HMGA1: variants seen among roughly 807,000 people sequenced by gnomAD.
HMGA1 encodes high mobility group protein HMG-I/HMG-Y.
HMGA1 carries 1 observed loss-of-function variant against 15.1 expected under a neutral mutation model. The observed-to-expected ratio is 0.07, with a 90% CI of 0.02 to 0.31. The LOEUF (loss-of-function observed/expected upper bound fraction) is 0.31. HMGA1 is among the 10% of genes least tolerant of loss of function. The pLI is 1.00. For missense variants in HMGA1, 94 were observed against 141.4 expected (o/e 0.66, Z 1.70); for synonymous variants, 56 against 54.8 (o/e 1.02, Z -0.10).
At chr6:34,243,283 G>T (rs1279996402) in intron 4 of HMGA1, among the ~76,000 whole-genome samples, 185 bp from the exon 5 acceptor site, 12 of 152,176 alleles carry the variant, frequency 7.9e-5, no homozygotes. Context: ...TAGGGGGCGT[G>T]TGTGTATGTC....
At chr6:34,239,684 A>C (rs1160867504) in intron 2 of HMGA1, among the ~76,000 whole-genome samples, 1 of 73,398 alleles carries the variant, frequency 1.4e-5, no homozygotes, top group South Asian at 9.2e-4. Context: ...TAGCCTGGGG[A>C]TAAGGACTAG....
rs1406582743 is a variant in HMGA1 at position 34,245,083 on chromosome 6, G to C, written c.*199G>C. On this transcript the variant is annotated 3_prime_UTR_variant, in exon 6 of 6. Coordinates refer to ENST00000311487, the MANE Select transcript of HMGA1 (RefSeq NM_145899.3). ...CCGCTGCAGGGCTCCCATGGGCTGA[G>C]TGGGGAGCAGTTTTCCCCTGGCCTC... 17 of 1,524,718 alleles carry C rather than the reference G, an allele frequency of 1.1e-5. No individual in the cohort carries two copies. The highest frequency in any genetic ancestry group is 1.3e-5 in the Non-Finnish European group (15 of 1,136,832). 94.4% of individuals were successfully genotyped at this position (1,524,718 alleles called of 1,614,324 possible).
chr6:34,243,632 T>TGGGA, intron 5 of HMGA1, 114 bp downstream of exon 5: 1 of 889,348 alleles, frequency 1.1e-6, no homozygotes, highest in Admixed American at 2.0e-5. Flanking sequence ...CTTGACCTGC[T>TGGGA]GGGACATCAG....
Position 34,237,337 on chromosome 6 carries a change from C to T in HMGA1, c.-45+20C>T, listed in dbSNP as rs1358694514. On this transcript the variant is annotated intron_variant, in intron 2 of 5. Coordinates refer to ENST00000311487, the MANE Select transcript of HMGA1 (RefSeq NM_145899.3). ...CTCGCGGTGAGTCGTCCCCGGGGCCCGCGGCGGCGGCGGCGGAGGGGGGCG... is the reference window on the plus strand; with the variant it reads ...CTCGCGGTGAGTCGTCCCCGGGGCCTGCGGCGGCGGCGGCGGAGGGGGGCG... 6.8e-6 allele frequency: 1 copy of T among 146,022 alleles called. No individual in the cohort carries two copies. Among genetic ancestry groups the T allele is most frequent in the Non-Finnish European group, 1.5e-5 (1 of 65,796 alleles). 9.0% of individuals were successfully genotyped at this position (146,022 alleles called of 1,614,324 possible).
intron 2 of HMGA1, 66 bp from the exon 3 acceptor site, chr6:34,240,671 G>A (rs767781466): frequency 1.6e-6 from 2 of 1,255,396 alleles, no homozygotes; most frequent in Non-Finnish European, 2.3e-6. Context: ...TGAAGGTGTG[G>A]GTGATGAGGG....
intron 2 of HMGA1, among the ~76,000 whole-genome samples, chr6:34,237,759 G>A (rs1761919420): frequency 6.6e-6 from 1 of 151,512 alleles, no homozygotes; most frequent in African/African-American, 2.4e-5. Flanking sequence ...GCAGGAGAGT[G>A]GGGGGTCGGG....
At chr6:34,240,034 G>A (rs1343068346) in intron 2 of HMGA1, among the ~76,000 whole-genome samples, 1 of 152,028 alleles carries the variant, frequency 6.6e-6, no homozygotes, top group African/African-American at 2.4e-5. Context: ...CTTTGGCTTT[G>A]GGCTCACTTT....
intron 4 of HMGA1, among the ~76,000 whole-genome samples, chr6:34,243,052 A>T (rs1350001198): frequency 6.6e-6 from 1 of 152,002 alleles, no homozygotes; most frequent in East Asian, 1.9e-4. Flanking sequence ...AGCTTTCCTG[A>T]TCTAGAGAAG....
chr6:34,237,819 A>T (rs1036020269), intron 2 of HMGA1, among the ~76,000 whole-genome samples: 1 of 150,804 alleles, frequency 6.6e-6, no homozygotes, highest in Non-Finnish European at 1.5e-5. Flanking sequence ...ATGGGGAGGA[A>T]CCCCCAAATT....
At chr6:34,241,602 C>G (rs1762315255) in intron 3 of HMGA1, among the ~76,000 whole-genome samples, 1 of 152,230 alleles carries the variant, frequency 6.6e-6, no homozygotes, top group Non-Finnish European at 1.5e-5. Flanking sequence ...AAGGATGAGG[C>G]TGCCAGCCTG....
At chr6:34,244,795 G>C in intron 5 of HMGA1, 36 bp from the exon 6 acceptor site, 2 of 1,546,572 alleles carry the variant, frequency 1.3e-6, no homozygotes, top group Non-Finnish European at 1.8e-6. Flanking sequence ...AGGGGGACCG[G>C]GCCAGAGCTC....
rs773043622 is a variant in HMGA1, at chr6:34,243,460, C to T, written c.220-8C>T. On this transcript the variant is annotated splice_polypyrimidine_tract_variant and splice_region_variant and intron_variant, in intron 4 of 5. Coordinates refer to ENST00000311487, the MANE Select transcript of HMGA1 (RefSeq NM_145899.3). Reference sequence around the variant, plus strand: ...TGGACTTAGGAGATATTTTCTCTAACCCTCTAGAAAACCACCACAACTCCA... The same window carrying T: ...TGGACTTAGGAGATATTTTCTCTAATCCTCTAGAAAACCACCACAACTCCA... 48 of 1,611,236 alleles carry T rather than the reference C, an allele frequency of 3.0e-5. No homozygotes were observed. The highest frequency in any genetic ancestry group is 3.2e-5 in the Non-Finnish European group (38 of 1,177,798).
At chr6:34,244,629 G>GT (rs1181709519) in intron 5 of HMGA1, among the ~76,000 whole-genome samples, 3 of 152,204 alleles carry the variant, frequency 2.0e-5, no homozygotes, top group Non-Finnish European at 4.4e-5. Flanking sequence ...AGAGCAGCAT[G>GT]TGTGTGGGGT....
At chr6:34,238,848 G>C (rs575513477) in intron 2 of HMGA1, 12 of 152,282 alleles carry the variant, frequency 7.9e-5, no homozygotes, top group African/African-American at 2.2e-4. Context: ...CTTCCAGGGA[G>C]ACCCGCCAAG....
chr6:34,240,629 C>A, intron 2 of HMGA1, 108 bp from the exon 3 acceptor site: 1 of 887,226 alleles, frequency 1.1e-6, no homozygotes, highest in Non-Finnish European at 1.8e-6. Context: ...GGCCTGGGGG[C>A]CCATGGGAGC....
intron 5 of HMGA1, among the ~76,000 whole-genome samples, chr6:34,243,763 G>T (rs1463174053): frequency 6.6e-6 from 1 of 152,096 alleles, no homozygotes; most frequent in East Asian, 1.9e-4. Flanking sequence ...GTTGTGTGTG[G>T]GGGTCCCTCC....
intron 3 of HMGA1, 24 bp downstream of exon 3, chr6:34,240,939 A>G (rs776636228): frequency 6.2e-7 from 1 of 1,613,350 alleles, no homozygotes; most frequent in Non-Finnish European, 8.5e-7. Flanking sequence ...CCTTTGCTTC[A>G]CTTGGTTTAC....
At chr6:34,241,527 G>T (rs1762308516) in intron 3 of HMGA1, among the ~76,000 whole-genome samples, 2 of 152,216 alleles carry the variant, frequency 1.3e-5, no homozygotes, top group South Asian at 4.1e-4. Context: ...AGTCAAAAAT[G>T]TTGGGGAGTT....
rs1486726532 is a variant in HMGA1, at chr6:34,240,720, A to G, written c.-44-17A>G. On this transcript the variant is annotated splice_polypyrimidine_tract_variant and intron_variant, in intron 2 of 5. Coordinates refer to ENST00000311487, the MANE Select transcript of HMGA1 (RefSeq NM_145899.3). ...TGAAGCGAGATGTTTGTCTAAAAGC[A>G]CTTTTCTGTCTCCCAGCATCCCAGC... 1.3e-6 allele frequency: 2 copies of G among 1,599,776 alleles called. No individual in the cohort carries two copies. Among genetic ancestry groups the G allele is most frequent in the Admixed American group, 1.7e-5 (1 of 59,946 alleles).
Sources: allele counts gnomAD v4.1 joint callset (sites outside exome capture counted in the v4.1 genomes callset), GRCh38; gene constraint gnomAD v4.1.1; transcripts MANE v1.5; gene names NCBI Gene and HGNC (gene_info 2026-07-23, HGNC 2026-07-21).